Variants in CHN1 observed in about 807,000 individuals in gnomAD.
CHN1 encodes N-chimaerin.
A neutral mutation model predicts 59.5 loss-of-function variants in CHN1; 37 were observed. That is an observed-to-expected ratio of 0.62 (90% CI 0.48 to 0.82). CHN1 has a LOEUF of 0.82. Among genes scored for constraint, CHN1 ranks in the 40% least tolerant of loss-of-function variants. The pLI is 0.00. For synonymous variants in CHN1, 206 were observed against 200.4 expected, an observed-to-expected ratio of 1.03 and a Z score of -0.24; for missense variants, 469 against 571.0, an observed-to-expected ratio of 0.82 and a Z score of 1.82.
intron 6 of CHN1, among the ~76,000 whole-genome samples, chr2:174,871,380 ATGACTGTTTTTCTTTCTCAGTC>A (rs1404505240): frequency 3.3e-5 from 5 of 152,000 alleles, no homozygotes; most frequent in Non-Finnish European, 5.9e-5. Context: ...ATCAAACTGA[ATGACTGTTTTTCTTTCTCAGTC>A]TCAGGAGTGA....
chr2:174,891,140 CAAAAAAAAAAAAA>C (rs58016502), intron 5 of CHN1, among the ~76,000 whole-genome samples: 57 of 24,418 alleles, frequency 2.3e-3, no homozygotes, highest in East Asian at 0.013. Context: ...GACTCCATCT[CAAAAAAAAAAAAA>C]AAAAAAAAAA....
intron 8 of CHN1, among the ~76,000 whole-genome samples, chr2:174,817,791 C>G (rs569700864): frequency 2.8e-4 from 43 of 152,248 alleles, no homozygotes; most frequent in African/African-American, 1.0e-3. Flanking sequence ...GCGCCCGCCA[C>G]CACGCCTGGC....
At chr2:174,916,625 G>C (rs1002318645) in intron 4 of CHN1, among the ~76,000 whole-genome samples, 1 of 152,182 alleles carries the variant, frequency 6.6e-6, no homozygotes, top group Non-Finnish European at 1.5e-5. Context: ...TTTCCTGATA[G>C]GGATGGTTCA....
At position 174,806,402 on chromosome 2, in the gene CHN1, A is replaced by G. The variant is rs539923568; in HGVS notation, c.1102+2503T>C. On this transcript the variant is annotated intron_variant, in intron 11 of 12. Transcript: ENST00000409900. ...TATTTTGTTGGCAAAGGATGCTAATAAATGCCAGAGACATTTTTAGGAGCT... is the reference window on the plus strand; with the variant it reads ...TATTTTGTTGGCAAAGGATGCTAATGAATGCCAGAGACATTTTTAGGAGCT... Among the ~76,000 whole-genome samples the G allele has an allele frequency of 7.9e-5, 12 of 152,364 alleles. No individual in the cohort carries two copies. In the South Asian group the frequency reaches 1.7e-3, roughly 21 times the overall value.
At chr2:174,894,155 C>A (rs1688138678) in intron 5 of CHN1, among the ~76,000 whole-genome samples, 1 of 151,910 alleles carries the variant, frequency 6.6e-6, no homozygotes, top group Non-Finnish European at 1.5e-5. Flanking sequence ...ATGAAGGCAA[C>A]AATCAACAGA....
At chr2:174,904,852 G>T (rs1202519079) in intron 5 of CHN1, among the ~76,000 whole-genome samples, 1 of 152,166 alleles carries the variant, frequency 6.6e-6, no homozygotes, top group Non-Finnish European at 1.5e-5. Flanking sequence ...GCCAAGAACA[G>T]AGGTTACGGG....
In CHN1 at chr2:174,804,720, G is replaced by T. The variant is rs139459862; in HGVS notation, c.1103-2908C>A. Among the ~76,000 whole-genome samples the T allele has an allele frequency of 1.3e-3, 191 of 152,316 alleles. 1 individual carries two copies. The highest frequency in any genetic ancestry group is 6.8e-3 in the Middle Eastern group (2 of 294). On this transcript the variant is annotated intron_variant, in intron 11 of 12. Coordinates refer to ENST00000409900, the MANE Select transcript of CHN1 (RefSeq NM_001822.7). ...CCAGGTTTTTGGCTTCAGCAGCAGC[G>T]AGGACGAGGCCTCTATTAACTGAGA...
In CHN1 at chr2:174,860,627, T is replaced by C. The variant is rs184663693; in HGVS notation, c.550-13670A>G. ...CCAGAGACTAGGGTGGTATACTATT[T>C]TACAAGGACCAAATATTAAATACAT... On this transcript the variant is annotated intron_variant, in intron 6 of 12. Coordinates refer to ENST00000409900, the MANE Select transcript of CHN1 (RefSeq NM_001822.7). Among the ~76,000 whole-genome samples, 324 of 152,276 alleles carry C rather than the reference T, an allele frequency of 2.1e-3. 3 individuals carry two copies. Among genetic ancestry groups the C allele is most frequent in the African/African-American group, 7.2e-3 (300 of 41,558 alleles).
intron 3 of CHN1, chr2:174,921,084 G>C: frequency 2.6e-6 from 1 of 379,780 alleles, no homozygotes; most frequent in South Asian, 1.9e-5. Flanking sequence ...GTGGGCAATG[G>C]GGAGCGGCTG....
chr2:174,959,005 A>C (rs2105422702), intron 1 of CHN1, among the ~76,000 whole-genome samples: 1 of 152,272 alleles, frequency 6.6e-6, no homozygotes, highest in African/African-American at 2.4e-5. Flanking sequence ...AGTATTTGGC[A>C]AAAAAATAAG....
At chr2:174,819,015 G>A (rs1452025444) in intron 8 of CHN1, among the ~76,000 whole-genome samples, 2 of 151,702 alleles carry the variant, frequency 1.3e-5, no homozygotes, top group African/African-American at 2.4e-5. Context: ...AACATATCTC[G>A]TTTTTTTTCC....
At chr2:174,865,511 C>A (rs905078815) in intron 6 of CHN1, among the ~76,000 whole-genome samples, 5 of 152,106 alleles carry the variant, frequency 3.3e-5, no homozygotes, top group Admixed American at 1.3e-4. Context: ...CATGTTAATA[C>A]CTATCCCTAA....
chr2:174,826,798 G>A (rs1336482012), intron 7 of CHN1, among the ~76,000 whole-genome samples: 1 of 152,080 alleles, frequency 6.6e-6, no homozygotes, highest in African/African-American at 2.4e-5. Context: ...TTAACTGTCC[G>A]AGCAGACCCC....
intron 6 of CHN1, among the ~76,000 whole-genome samples, chr2:174,859,343 T>C (rs76764790): frequency 0.028 from 4,330 of 152,236 alleles, 203 homozygotes; most frequent in African/African-American, 0.098. Context: ...AGGGAAAACA[T>C]AGTTTCAGGA....
intron 5 of CHN1, among the ~76,000 whole-genome samples, chr2:174,893,195 T>C (rs1312852036): frequency 1.3e-5 from 2 of 152,170 alleles, no homozygotes; most frequent in Non-Finnish European, 2.9e-5. Context: ...TGTTCACAGA[T>C]GACATCATCT....
At chr2:174,967,647 GA>G (rs1459576049) in intron 1 of CHN1, among the ~76,000 whole-genome samples, 1 of 152,092 alleles carries the variant, frequency 6.6e-6, no homozygotes, top group Non-Finnish European at 1.5e-5. Context: ...ACAAGTTCTG[GA>G]AAATAATCAA....
chr2:174,825,550 AAG>A (rs1346340102), intron 7 of CHN1, among the ~76,000 whole-genome samples: 2 of 152,340 alleles, frequency 1.3e-5, no homozygotes, highest in Non-Finnish European at 2.9e-5. Flanking sequence ...ACAAACAGGA[AAG>A]AGAAGGCATT....
At chr2:174,891,573 AAAAAAAAAG>A (rs1401328740) in intron 5 of CHN1, among the ~76,000 whole-genome samples, 7 of 151,778 alleles carry the variant, frequency 4.6e-5, no homozygotes, top group South Asian at 2.1e-4. Context: ...CATCTCAAAA[AAAAAAAAAG>A]AAAAAAAAGA....
rs71031071 is a variant in CHN1 at position 174,807,446 on chromosome 2, C to CTGTGTGTGTGTGTGTGTG, written c.1102+1441_1102+1458dup. On this transcript the variant is annotated intron_variant, in intron 11 of 12. Coordinates refer to ENST00000409900, the MANE Select transcript of CHN1 (RefSeq NM_001822.7). ...GACTAGGCAGCTTTTCACGGGCTAT[C>CTGTGTGTGTGTGTGTGTG]TGTGTGTGTGTGTGTGTGTGTGTGT... 8.2e-4 allele frequency among the ~76,000 whole-genome samples: 69 copies of CTGTGTGTGTGTGTGTGTG among 83,844 alleles called. 5 individuals are homozygous for CTGTGTGTGTGTGTGTGTG. Among genetic ancestry groups the CTGTGTGTGTGTGTGTGTG allele is most frequent in the East Asian group, 3.0e-3 (7 of 2,330 alleles). 55.0% of individuals were successfully genotyped at this position (83,844 alleles called of 152,430 possible). A position where few individuals can be genotyped will look rare whatever the true frequency, so the allele number is the denominator to read the frequency against.
Sources: allele counts gnomAD v4.1 joint callset (sites outside exome capture counted in the v4.1 genomes callset), GRCh38; gene constraint gnomAD v4.1.1; transcripts MANE v1.5; gene names NCBI Gene and HGNC (gene_info 2026-07-23, HGNC 2026-07-21).